Variants in C14orf132 observed in about 807,000 individuals in gnomAD.
C14orf132 encodes the protein chromosome 14 open reading frame 132.
Under a neutral mutation model 5.8 loss-of-function variants are expected in C14orf132, and 6 were observed. The observed-to-expected ratio is 1.03, with a 90% confidence interval of 0.57 to 2.04. The LOEUF (loss-of-function observed/expected upper bound fraction) is 2.04, where lower values mean the gene tolerates loss of function less well. C14orf132 is among the 30% of genes most tolerant of loss of function. C14orf132 has a pLI of 0.00. For missense variants in C14orf132, 125 were observed against 115.8 expected (o/e 1.08, Z -0.37); for synonymous variants, 51 against 49.8 (o/e 1.02, Z -0.10).
At position 96,089,375 on chromosome 14, in the gene C14orf132, G is replaced by A. The variant is rs1272712931; in HGVS notation, c.*2640G>A. The A allele has an allele frequency of 6.6e-6, 1 of 152,468 alleles. No homozygotes were observed. Among genetic ancestry groups the A allele is most frequent in the African/African-American group, 2.4e-5 (1 of 41,476 alleles). 9.4% of individuals were successfully genotyped at this position (152,468 alleles called of 1,614,324 possible). ...GCACAGATGAGGAACCAGAGGCTCAGAGGAGTGAAGTTGCCTTCCTGAGGT... is the reference window on the plus strand; with the variant it reads ...GCACAGATGAGGAACCAGAGGCTCAAAGGAGTGAAGTTGCCTTCCTGAGGT... On this transcript the variant is annotated 3_prime_UTR_variant, in exon 2 of 2. Transcript: ENST00000555004.
intron 1 of C14orf132, among the ~76,000 whole-genome samples, chr14:96,060,738 G>A (rs904286094): frequency 1.1e-4 from 16 of 152,026 alleles, no homozygotes; most frequent in African/African-American, 2.7e-4. Context: ...TCTCCCACCC[G>A]TGCCCAGTGC....
At chr14:96,079,783 G>A (rs942095207) in intron 1 of C14orf132, among the ~76,000 whole-genome samples, 1 of 152,134 alleles carries the variant, frequency 6.6e-6, no homozygotes, top group Admixed American at 6.5e-5. Context: ...GAGAGCCTGG[G>A]CCACAGATGG....
rs115665447 is a variant in C14orf132 at position 96,056,858 on chromosome 14, C to T, written c.27+17331C>T. On this transcript the variant is annotated intron_variant, in intron 1 of 1. Coordinates refer to ENST00000555004, the MANE Select transcript of C14orf132 (RefSeq NM_001252507.3). ...ACCTGTAGATGGTGCCAGCTCCCCA[C>T]GCCTCCTTCTGTGATGTATGGCAAA... 3.5e-3 allele frequency among the ~76,000 whole-genome samples: 532 copies of T among 152,244 alleles called. 3 individuals are homozygous for T. The highest frequency in any genetic ancestry group is 0.012 in the African/African-American group (501 of 41,564).
chr14:96,068,025 C>T (rs1370746254), intron 1 of C14orf132, among the ~76,000 whole-genome samples: 10 of 152,186 alleles, frequency 6.6e-5, no homozygotes, highest in Admixed American at 5.2e-4. Flanking sequence ...TGGCATATAG[C>T]GGGCTCTCAA....
chr14:96,062,522 G>A (rs1039440390), intron 1 of C14orf132, among the ~76,000 whole-genome samples: 3 of 152,088 alleles, frequency 2.0e-5, no homozygotes. Context: ...CTCCACATGT[G>A]TCTTTATGGT....
intron 1 of C14orf132, among the ~76,000 whole-genome samples, chr14:96,080,134 G>A (rs574205186): frequency 1.1e-4 from 17 of 152,252 alleles, no homozygotes; most frequent in East Asian, 5.8e-4. Flanking sequence ...CTTTAGGCCC[G>A]TCTATAACTG....
chr14:96,075,466 G>A (rs1887834072), intron 1 of C14orf132, among the ~76,000 whole-genome samples: 1 of 152,128 alleles, frequency 6.6e-6, no homozygotes, highest in Non-Finnish European at 1.5e-5. Flanking sequence ...GAATGGGAGT[G>A]GTGAGGTTAG....
At position 96,089,492 on chromosome 14, in the gene C14orf132, T is replaced by C. The variant is rs964341069; in HGVS notation, c.*2757T>C. ...CTGCCTTCTGCCACACTGTACTGCC[T>C]TCTGTGACTGGGTGGCACCTCCAGG... On this transcript the variant is annotated 3_prime_UTR_variant, in exon 2 of 2. Coordinates refer to ENST00000555004, the MANE Select transcript of C14orf132 (RefSeq NM_001252507.3). 4.6e-5 allele frequency: 7 copies of C among 152,290 alleles called. No homozygotes were observed. Among genetic ancestry groups the C allele is most frequent in the Non-Finnish European group, 1.0e-4 (7 of 68,098 alleles). 9.4% of individuals were successfully genotyped at this position (152,290 alleles called of 1,614,324 possible). A position where few individuals can be genotyped will look rare whatever the true frequency, so the allele number is the denominator to read the frequency against.
chr14:96,043,103 T>C (rs1421005725), intron 1 of C14orf132, among the ~76,000 whole-genome samples: 1 of 152,206 alleles, frequency 6.6e-6, no homozygotes, highest in East Asian at 1.9e-4. Flanking sequence ...AGCTGGAATC[T>C]GATTCTTCTC....
chr14:96,040,816 A>G (rs1308948788), intron 1 of C14orf132, among the ~76,000 whole-genome samples: 2 of 152,080 alleles, frequency 1.3e-5, no homozygotes, highest in East Asian at 1.9e-4. Context: ...TCATGTAAAC[A>G]TCATTTTAGA....
intron 1 of C14orf132, among the ~76,000 whole-genome samples, chr14:96,049,614 ATATACGTATATATATACATATATACG>A (rs1886960778): frequency 8.9e-6 from 1 of 111,926 alleles, no homozygotes; most frequent in Non-Finnish European, 1.7e-5. Flanking sequence ...ATATATACAT[ATATACGTATATATATACATATATACG>A]TATATATATA....
chr14:96,058,708 A>G (rs1051253870), intron 1 of C14orf132, among the ~76,000 whole-genome samples: 3 of 152,178 alleles, frequency 2.0e-5, no homozygotes, highest in African/African-American at 7.2e-5. Flanking sequence ...ATCAGACAGG[A>G]TGCATCTCAA....
Position 96,039,559 on chromosome 14 carries a change from C to T in C14orf132, c.27+32C>T, listed in dbSNP as rs1449200918. ...GGGCGTCCCCCCCACGCGCCCCGGG[C>T]CGCCAAGTTTGGGGAGGTTCGGGGC... is the stretch of plus-strand genomic sequence containing the variant. On this transcript the variant is annotated intron_variant, in intron 1 of 1. Coordinates refer to ENST00000555004, the MANE Select transcript of C14orf132 (RefSeq NM_001252507.3). This position sits in a 1 kb window ranked among gnomAD's most constrained non-coding sequence, Gnocchi z 5.3. The T allele has an allele frequency of 2.0e-6, 3 of 1,495,070 alleles. No individual in the cohort carries two copies. The highest frequency in any genetic ancestry group is 2.7e-6 in the Non-Finnish European group (3 of 1,124,742). 92.6% of individuals were successfully genotyped at this position (1,495,070 alleles called of 1,614,324 possible).
intron 1 of C14orf132, among the ~76,000 whole-genome samples, chr14:96,080,384 A>G (rs60733042): frequency 0.22 from 33,424 of 152,084 alleles, 4,011 homozygotes; most frequent in Non-Finnish European, 0.27. Flanking sequence ...TAACTGTTCG[A>G]GGCCAGGTTG....
chr14:96,058,659 T>A (rs1887253035), intron 1 of C14orf132, among the ~76,000 whole-genome samples: 1 of 152,120 alleles, frequency 6.6e-6, no homozygotes, highest in Non-Finnish European at 1.5e-5. Flanking sequence ...CACGAGTCTG[T>A]GCCCTCAAGC....
chr14:96,077,605 G>A (rs1887910332), intron 1 of C14orf132, among the ~76,000 whole-genome samples: 2 of 152,148 alleles, frequency 1.3e-5, no homozygotes, highest in South Asian at 2.1e-4. Flanking sequence ...GATCTTGGAC[G>A]TCCACCCTCC....
At chr14:96,058,270 G>A (rs1887239195) in intron 1 of C14orf132, among the ~76,000 whole-genome samples, 1 of 152,018 alleles carries the variant, frequency 6.6e-6, no homozygotes, top group Admixed American at 6.5e-5. Context: ...ACAACTTGTG[G>A]CTCCTGGAAG....
rs1888437045 is a variant in C14orf132, at chr14:96,092,349, C to G, written c.*5614C>G. On this transcript the variant is annotated 3_prime_UTR_variant, in exon 2 of 2. Coordinates refer to ENST00000555004, the MANE Select transcript of C14orf132 (RefSeq NM_001252507.3). ...CTTGGGTCCTTTTTCAAGCTGATTT[C>G]CTGCCTCCCCAAGAGGAGGTTTGAG... The G allele has an allele frequency of 6.6e-6, 1 of 152,184 alleles. No homozygotes were observed. Among genetic ancestry groups the G allele is most frequent in the African/African-American group, 2.4e-5 (1 of 41,442 alleles). The allele number at this position is 152,184 out of a possible 1,614,324, so 9.4% of individuals were successfully genotyped here.
At chr14:96,073,766 G>A (rs1490036743) in intron 1 of C14orf132, among the ~76,000 whole-genome samples, 1 of 152,116 alleles carries the variant, frequency 6.6e-6, no homozygotes, top group African/African-American at 2.4e-5. Flanking sequence ...CTATTCACAA[G>A]AGCAAAGACA....
Sources: allele counts gnomAD v4.1 joint callset (sites outside exome capture counted in the v4.1 genomes callset), GRCh38; gene constraint gnomAD v4.1.1; non-coding constraint Gnocchi (gnomAD v3.1); transcripts MANE v1.5; gene names NCBI Gene and HGNC (gene_info 2026-07-23, HGNC 2026-07-21).